INO80D: variants seen among roughly 807,000 people sequenced by gnomAD.
INO80D encodes the protein INO80 complex subunit D.
INO80D carries 21 observed loss-of-function variants against 87.6 expected under a neutral mutation model. The observed-to-expected ratio is 0.24, with a 90% confidence interval of 0.17 to 0.35. The LOEUF is 0.35. INO80D is among the 10% of genes least tolerant of loss of function. The probability of loss-of-function intolerance (pLI) is 1.00; values close to 1 mark genes in which losing one functional copy is unlikely to be tolerated. For synonymous variants in INO80D, 440 were observed against 491.0 expected (o/e 0.90, Z 1.37); for missense variants, 982 against 1,280.7 (o/e 0.77, Z 3.56).
intron 5 of INO80D, among the ~76,000 whole-genome samples, chr2:206,032,356 A>C (rs1688791740): frequency 6.6e-6 from 1 of 152,172 alleles, no homozygotes; most frequent in South Asian, 2.1e-4. Flanking sequence ...GCATGGTGGG[A>C]GTGAAACCAG....
At chr2:206,080,297 C>T (rs377731941) in intron 1 of INO80D, among the ~76,000 whole-genome samples, 135 of 152,296 alleles carry the variant, frequency 8.9e-4, no homozygotes, top group Non-Finnish European at 1.1e-3. Context: ...AACCATGCAA[C>T]ACTACCGTCC....
At chr2:206,011,673 G>A (rs1688178441) in intron 8 of INO80D, among the ~76,000 whole-genome samples, 1 of 152,138 alleles carries the variant, frequency 6.6e-6, no homozygotes, top group Non-Finnish European at 1.5e-5. Context: ...ACCAATGGCT[G>A]TCACATCCTA....
At chr2:206,013,285 G>C (rs949456657) in intron 8 of INO80D, among the ~76,000 whole-genome samples, 5 of 152,100 alleles carry the variant, frequency 3.3e-5, no homozygotes, top group Non-Finnish European at 2.9e-5. Flanking sequence ...CAGGCGCGGT[G>C]GCTTACGCCT....
rs768023143 is a variant in INO80D at position 206,009,811 on chromosome 2, T to C, written c.1543-17A>G. ...GAAATTATCCTTTGGAATGAATAAA[T>C]AGGCTTTTAAATTGAGATTATCTGG... On this transcript the variant is annotated splice_polypyrimidine_tract_variant and intron_variant, in intron 8 of 10. Coordinates refer to ENST00000403263, the MANE Select transcript of INO80D (RefSeq NM_017759.5). 1.9e-6 allele frequency: 3 copies of C among 1,579,800 alleles called. No homozygotes were observed. Among genetic ancestry groups the C allele is most frequent in the South Asian group, 2.3e-5 (2 of 86,858 alleles).
Position 206,004,813 on chromosome 2 carries a change from A to G in INO80D, c.2639T>C (p.Leu880Pro). Residue 880 changes from leucine to proline, a missense_variant, in exon 11 of 11, where the codon CTT (leucine) becomes CCT (proline). Coordinates refer to ENST00000403263, the MANE Select transcript of INO80D (RefSeq NM_017759.5). The surrounding 1 kb of genome is among the most constrained non-coding windows in gnomAD (Gnocchi z 4.9). ...HLLPTQLEVPLGGVVNPRTHW... is the reference protein window; with the variant it reads ...HLLPTQLEVPPGGVVNPRTHW... Reference sequence around the variant, plus strand: ...AGTTCTGGGGTTTACCACGCCTCCAAGTGGCACCTCAAGTTGGGTTGGGAG... The same window carrying G: ...AGTTCTGGGGTTTACCACGCCTCCAGGTGGCACCTCAAGTTGGGTTGGGAG... 1.2e-6 allele frequency: 2 copies of G among 1,613,996 alleles called. No individual in the cohort carries two copies. The highest frequency in any genetic ancestry group is 2.2e-5 in the South Asian group (2 of 91,068).
chr2:206,012,881 A>AAAAC (rs1384071184), intron 8 of INO80D, among the ~76,000 whole-genome samples: 3 of 151,290 alleles, frequency 2.0e-5, no homozygotes, highest in Non-Finnish European at 4.4e-5. Flanking sequence ...AAAAAAAAAA[A>AAAAC]AAAAAACCAG....
intron 8 of INO80D, among the ~76,000 whole-genome samples, chr2:206,017,441 T>C (rs1688348130): frequency 6.6e-6 from 1 of 152,198 alleles, no homozygotes; most frequent in Non-Finnish European, 1.5e-5. Context: ...ATGACATTTG[T>C]AGAATTGTAT....
At chr2:206,010,789 C>G (rs1297148026) in intron 8 of INO80D, among the ~76,000 whole-genome samples, 1 of 152,064 alleles carries the variant, frequency 6.6e-6, no homozygotes, top group Non-Finnish European at 1.5e-5. Flanking sequence ...AAAAAAGAGG[C>G]TACCTCTGGC....
At chr2:206,009,535 C>A (rs1575795300) in intron 9 of INO80D, 42 bp downstream of exon 9, 2 of 1,527,626 alleles carry the variant, frequency 1.3e-6, no homozygotes, top group African/African-American at 2.8e-5. Flanking sequence ...GAGAAGAATC[C>A]CAAAATGTAA....
chr2:206,083,022 C>G (rs1002840697), intron 1 of INO80D, among the ~76,000 whole-genome samples: 5 of 152,120 alleles, frequency 3.3e-5, no homozygotes, highest in Admixed American at 1.3e-4. Flanking sequence ...ACTTTTTAAA[C>G]TAACACTTAA....
At chr2:206,051,540 G>C (rs988313578) in intron 4 of INO80D, among the ~76,000 whole-genome samples, 2 of 151,920 alleles carry the variant, frequency 1.3e-5, no homozygotes, top group African/African-American at 4.8e-5. Context: ...TCATATGAAC[G>C]AATACTCAAC....
chr2:206,029,210 T>C (rs190918968), intron 5 of INO80D, among the ~76,000 whole-genome samples: 9 of 152,222 alleles, frequency 5.9e-5, no homozygotes, highest in Non-Finnish European at 1.3e-4. Context: ...TTTTTTTAAC[T>C]ATGGAAGTAT....
chr2:206,068,365 G>A (rs1689875067), intron 1 of INO80D, among the ~76,000 whole-genome samples: 1 of 152,164 alleles, frequency 6.6e-6, no homozygotes, highest in Admixed American at 6.5e-5. Context: ...CTTCCAAAGT[G>A]CTGGGATTAC....
chr2:206,078,985 ATC>A (rs1172222161), intron 1 of INO80D, among the ~76,000 whole-genome samples: 2 of 152,150 alleles, frequency 1.3e-5, no homozygotes, highest in African/African-American at 4.8e-5. Context: ...TATTTTATAA[ATC>A]TGTTTCCTCA....
chr2:206,011,231 G>A (rs1003206667), intron 8 of INO80D, among the ~76,000 whole-genome samples: 1 of 152,148 alleles, frequency 6.6e-6, no homozygotes, highest in South Asian at 2.1e-4. Context: ...ATCCATTCCA[G>A]GCTTTCCCTC....
At chr2:206,044,635 G>T (rs759724085) in intron 5 of INO80D, among the ~76,000 whole-genome samples, 4 of 152,114 alleles carry the variant, frequency 2.6e-5, no homozygotes, top group Non-Finnish European at 4.4e-5. Flanking sequence ...CCACAAATCT[G>T]AAACAACAAA....
At position 206,004,260 on chromosome 2, in the gene INO80D, A is replaced by C; in HGVS notation, c.*108T>G. 1 of 1,053,712 alleles carries C rather than the reference A, an allele frequency of 9.5e-7. No individual in the cohort carries two copies. The allele number at this position is 1,053,712 out of a possible 1,614,324, so 65.3% of individuals were successfully genotyped here. A position where few individuals can be genotyped will look rare whatever the true frequency, so the allele number is the denominator to read the frequency against. ...AACTGGGAAGGGGGGTGCCCCTCTGATCCCCATCTGTTATATCTTCTTTAG... is the reference window on the plus strand; with the variant it reads ...AACTGGGAAGGGGGGTGCCCCTCTGCTCCCCATCTGTTATATCTTCTTTAG... On this transcript the variant is annotated 3_prime_UTR_variant, in exon 11 of 11. Coordinates refer to ENST00000403263, the MANE Select transcript of INO80D (RefSeq NM_017759.5). The surrounding 1 kb of genome is among the most constrained non-coding windows in gnomAD (Gnocchi z 4.9).
intron 5 of INO80D, 57 bp from the exon 6 acceptor site, chr2:206,028,392 C>T: frequency 7.3e-7 from 1 of 1,378,744 alleles, no homozygotes; most frequent in Non-Finnish European, 1.0e-6. Flanking sequence ...TCATTTTAGA[C>T]AGGGTAAACG....
intron 8 of INO80D, among the ~76,000 whole-genome samples, chr2:206,016,285 T>C (rs1688317319): frequency 6.6e-6 from 1 of 152,214 alleles, no homozygotes; most frequent in African/African-American, 2.4e-5. Flanking sequence ...AGCTTTTCGA[T>C]TTGATTGTCC....
Sources: allele counts gnomAD v4.1 joint callset (sites outside exome capture counted in the v4.1 genomes callset), GRCh38; gene constraint gnomAD v4.1.1; non-coding constraint Gnocchi (gnomAD v3.1); transcripts MANE v1.5; gene names NCBI Gene and HGNC (gene_info 2026-07-23, HGNC 2026-07-21).